Variants in COX5B observed in about 807,000 individuals in gnomAD.
COX5B encodes the protein cytochrome c oxidase subunit 5B.
A neutral mutation model predicts 16.2 loss-of-function variants in COX5B; 8 were observed. That is an observed-to-expected ratio of 0.49 (90% CI 0.29 to 0.89). The LOEUF is 0.89. COX5B is among the 40% of genes least tolerant of loss of function. The pLI is 0.08. For missense variants in COX5B, 161 were observed against 168.7 expected, an observed-to-expected ratio of 0.95 and a Z score of 0.25; for synonymous variants, 65 against 67.6, an observed-to-expected ratio of 0.96 and a Z score of 0.19.
Position 97,648,076 on chromosome 2 carries a change from T to C in COX5B, c.358T>C (p.Tyr120His), listed in dbSNP as rs769031083. The change falls in exon 4 of 4, where the codon TAC becomes CAC. Residue 120 changes from tyrosine to histidine, a missense_variant. Tyr to His is a moderately conservative substitution (Grantham distance 83, BLOSUM62 2). Transcript: ENST00000258424. ...GCGATGCCCCCGCTGTGGAGCCCATTACAAGCTGGTGCCCCAGCAGCTGGC... is the reference window on the plus strand; with the variant it reads ...GCGATGCCCCCGCTGTGGAGCCCATCACAAGCTGGTGCCCCAGCAGCTGGC... The part of the protein sequence containing the change: ...AQRCPRCGAH[Y>H]KLVPQQLAH 6.2e-7 allele frequency: 1 copy of C among 1,610,044 alleles called. No individual in the cohort carries two copies. The highest frequency in any genetic ancestry group is 1.7e-5 in the Admixed American group (1 of 58,926).
intron 3 of COX5B, among the ~76,000 whole-genome samples, 157 bp downstream of exon 3, chr2:97,647,600 C>A (rs900123172): frequency 3.3e-5 from 5 of 152,182 alleles, no homozygotes; most frequent in African/African-American, 1.2e-4. Context: ...TTCATCCTTA[C>A]TGGAAAGAAG....
chr2:97,647,139 T>A lies in COX5B; in HGVS notation c.176T>A (p.Leu59Gln). The stretch of plus-strand genomic sequence containing the variant: ...ATCATGCTGGCTGCAAAGAAGGGAC[T>A]GGTAAGGAGAAACTCCCTTCTGTGT... ...REIMLAAKKG[L>Q]DPYNVLAPKG... The change falls in exon 2 of 4, where the codon CTG (leucine) becomes CAG (glutamine). Residue 59 changes from leucine to glutamine, a missense_variant and splice_region_variant. Transcript: ENST00000258424. 1.2e-6 allele frequency: 2 copies of A among 1,614,002 alleles called. No homozygotes were observed. Among genetic ancestry groups the A allele is most frequent in the Non-Finnish European group, 1.7e-6 (2 of 1,179,896 alleles).
chr2:97,646,750 A>G lies in COX5B; in HGVS notation c.104-317A>G, dbSNP rs963822640. ...GTAGTCCCAGCTACTCGGGAGGCTG[A>G]GGCAGGAGAATCGCTTAAACCCGGG... On this transcript the variant is annotated intron_variant, in intron 1 of 3. Coordinates refer to ENST00000258424, the MANE Select transcript of COX5B (RefSeq NM_001862.3). 1.5e-5 allele frequency: 4 copies of G among 272,152 alleles called. No homozygotes were observed. In the Admixed American group the frequency reaches 1.8e-4, roughly 12 times the overall value. The allele number at this position is 272,152 out of a possible 1,614,324, so 16.9% of individuals were successfully genotyped here.
chr2:97,646,307 C>A, intron 1 of COX5B, 118 bp downstream of exon 1: 1 of 636,092 alleles, frequency 1.6e-6, no homozygotes, highest in Non-Finnish European at 2.7e-6. Flanking sequence ...GCTTTACGGT[C>A]CCCAGTGCCT....
chr2:97,647,305 GT>G (rs201514478), intron 2 of COX5B, 38 bp from the exon 3 acceptor site: 7 of 1,586,528 alleles, frequency 4.4e-6, no homozygotes, highest in African/African-American at 1.4e-5. Flanking sequence ...TTCAATTCTT[GT>G]TTTTTTTGTT....
intron 3 of COX5B, 132 bp downstream of exon 3, chr2:97,647,575 C>T: frequency 3.8e-6 from 3 of 782,010 alleles, no homozygotes; most frequent in East Asian, 2.4e-5. Context: ...TCTCAAGCCT[C>T]ATTATGCCTG....
chr2:97,646,107 C>G lies in COX5B; in HGVS notation c.21C>G (p.Arg7=). The G allele has an allele frequency of 6.4e-7, 1 of 1,556,532 alleles. No homozygotes were observed. The highest frequency in any genetic ancestry group is 8.7e-7 in the Non-Finnish European group (1 of 1,149,780). ...ACGCAATGGCTTCAAGGTTACTTCG[C>G]GGAGCTGGAACGCTGGCCGCGCAGG... The part of the protein sequence containing the change: MASRLL[R]GAGTLAAQAL... Residue 7 remains arginine, a synonymous_variant, in exon 1 of 4, where the codon CGC becomes CGG. Transcript: ENST00000258424.
intron 1 of COX5B, chr2:97,646,448 T>A: frequency 2.1e-6 from 1 of 472,790 alleles, no homozygotes; most frequent in South Asian, 3.0e-5. Flanking sequence ...GCCACCGGGA[T>A]GGGGAGGGGT....
chr2:97,647,554 G>A (rs1039980821), intron 3 of COX5B, 111 bp downstream of exon 3: 9 of 913,098 alleles, frequency 9.9e-6, no homozygotes, highest in Admixed American at 2.1e-5. Flanking sequence ...TTTGTCTAAG[G>A]GTCTTGACAC....
Position 97,647,413 on chromosome 2 carries a change from A to G in COX5B, c.247A>G (p.Ile83Val), listed in dbSNP as rs1674678691. ...TREDPNLVPS[I>V]SNKRIVGCIC... ...GGAAGACCCTAATTTAGTCCCCTCCATCTCCAACAAGAGAATAGTAGGCTG... is the reference window on the plus strand; with the variant it reads ...GGAAGACCCTAATTTAGTCCCCTCCGTCTCCAACAAGAGAATAGTAGGCTG... Residue 83 changes from isoleucine (I) to valine (V), a missense_variant, in exon 3 of 4, where the codon ATC becomes GTC. Coordinates refer to ENST00000258424, the MANE Select transcript of COX5B (RefSeq NM_001862.3). 1 of 1,614,108 alleles carries G rather than the reference A, an allele frequency of 6.2e-7. No homozygotes were observed. Among genetic ancestry groups the G allele is most frequent in the Non-Finnish European group, 8.5e-7 (1 of 1,179,958 alleles).
At position 97,646,220 on chromosome 2, in the gene COX5B, A is replaced by G. The variant is rs370115283; in HGVS notation, c.103+31A>G. The G allele has an allele frequency of 2.0e-4, 295 of 1,460,702 alleles. 1 individual carries two copies. Among genetic ancestry groups the G allele is most frequent in the Admixed American group, 3.1e-4 (14 of 45,896 alleles). The allele number at this position is 1,460,702 out of a possible 1,614,324, so 90.5% of individuals were successfully genotyped here. A position where few individuals can be genotyped will look rare whatever the true frequency, so the allele number is the denominator to read the frequency against. Reference sequence around the variant, plus strand: ...CGGGTCTCCGGGCGTGCCAGGGACCAGAGTGTTGCCCTCCCAGGGTGGTCC... The same window carrying G: ...CGGGTCTCCGGGCGTGCCAGGGACCGGAGTGTTGCCCTCCCAGGGTGGTCC... On this transcript the variant is annotated intron_variant, in intron 1 of 3. Coordinates refer to ENST00000258424, the MANE Select transcript of COX5B (RefSeq NM_001862.3).
intron 2 of COX5B, 51 bp downstream of exon 2, chr2:97,647,191 G>T (rs769587429): frequency 6.3e-7 from 1 of 1,580,322 alleles, no homozygotes; most frequent in Non-Finnish European, 8.7e-7. Context: ...GGCCTTGGAT[G>T]TGTTCATAGT....
rs768340672 is a variant in COX5B at position 97,647,456 on chromosome 2, C to G, written c.277+13C>G. On this transcript the variant is annotated intron_variant, in intron 3 of 3. Transcript: ENST00000258424. ...GTAGGCTGCATCTGTAAGTACCTCA[C>G]CTCTATTTTTTATCCACTTGCTTAA... is the stretch of plus-strand genomic sequence containing the variant. 6.3e-7 allele frequency: 1 copy of G among 1,597,754 alleles called. No individual in the cohort carries two copies. The highest frequency in any genetic ancestry group is 1.1e-5 in the South Asian group (1 of 90,140).
rs962633438 is a variant in COX5B at position 97,647,390 on chromosome 2, A to G, written c.224A>G (p.Glu75Gly). ...LAPKGASGTR[E>G]DPNLVPSISN... The stretch of plus-strand genomic sequence containing the variant: ...CCAAAGGGAGCTTCAGGCACCAGGG[A>G]AGACCCTAATTTAGTCCCCTCCATC... Residue 75 changes from glutamate (E) to glycine (G), a missense_variant, in exon 3 of 4, where the codon GAA (glutamate) becomes GGA (glycine). Glu to Gly is a moderately conservative substitution (Grantham distance 98, BLOSUM62 -2). Coordinates refer to ENST00000258424, the MANE Select transcript of COX5B (RefSeq NM_001862.3). The G allele has an allele frequency of 2.5e-6, 4 of 1,613,982 alleles. No individual in the cohort carries two copies. The highest frequency in any genetic ancestry group is 2.5e-6 in the Non-Finnish European group (3 of 1,180,026).
rs920476679 is a variant in COX5B, at chr2:97,647,134, G to A, written c.171G>A (p.Lys57=). ...LEREIMLAAK[K]GLDPYNVLAP... Reference sequence around the variant, plus strand: ...GGGAGATCATGCTGGCTGCAAAGAAGGGACTGGTAAGGAGAAACTCCCTTC... The same window carrying A: ...GGGAGATCATGCTGGCTGCAAAGAAAGGACTGGTAAGGAGAAACTCCCTTC... The change falls in exon 2 of 4, where the codon AAG becomes AAA. Residue 57 remains lysine (K), a synonymous_variant. Transcript: ENST00000258424. 1 of 1,613,978 alleles carries A rather than the reference G, an allele frequency of 6.2e-7. No individual in the cohort carries two copies. Among genetic ancestry groups the A allele is most frequent in the African/African-American group, 1.3e-5 (1 of 74,938 alleles).
intron 1 of COX5B, chr2:97,646,761 T>A (rs780224691): frequency 4.7e-5 from 13 of 275,572 alleles, no homozygotes; most frequent in South Asian, 4.6e-4. Flanking sequence ...GGCAGGAGAA[T>A]CGCTTAAACC....
In COX5B at chr2:97,647,159, C is replaced by G. The variant is rs554661929; in HGVS notation, c.177+19C>G. On this transcript the variant is annotated intron_variant, in intron 2 of 3. Coordinates refer to ENST00000258424, the MANE Select transcript of COX5B (RefSeq NM_001862.3). ...GGGACTGGTAAGGAGAAACTCCCTT[C>G]TGTGTCTTCTGTGTAACTTATGGCC... 1 of 1,610,416 alleles carries G rather than the reference C, an allele frequency of 6.2e-7. No individual in the cohort carries two copies. The highest frequency in any genetic ancestry group is 1.3e-5 in the African/African-American group (1 of 74,970).
At chr2:97,647,197 A>G (rs1046476255) in intron 2 of COX5B, 57 bp downstream of exon 2, 1 of 1,576,594 alleles carries the variant, frequency 6.3e-7, no homozygotes, top group Non-Finnish European at 8.7e-7. Context: ...GGATGTGTTC[A>G]TAGTGGTCTC....
chr2:97,646,450 G>C (rs1674655432), intron 1 of COX5B: 2 of 473,638 alleles, frequency 4.2e-6, no homozygotes, highest in Non-Finnish European at 3.8e-6. Flanking sequence ...CACCGGGATG[G>C]GGAGGGGTCC....
Sources: gnomAD v4.1 joint callset for allele counts (sites outside exome capture counted in the v4.1 genomes callset) on GRCh38, gnomAD v4.1.1 for gene constraint, MANE v1.5 for transcripts, NCBI Gene and HGNC (gene_info 2026-07-23, HGNC 2026-07-21) for gene names.